OPCML: variants seen among roughly 807,000 people sequenced by gnomAD.
The protein encoded by OPCML is opioid binding protein/cell adhesion molecule like.
Under a neutral mutation model 37.8 loss-of-function variants are expected in OPCML, and 13 were observed. The ratio of observed to expected loss-of-function variants is 0.34; its 90% confidence interval spans 0.22 to 0.55. The LOEUF is 0.55. Ranked by LOEUF, OPCML falls within the 20% of genes least tolerant of loss-of-function variation. The pLI is 0.91. For synonymous variants in OPCML, 176 were observed against 168.8 expected (o/e 1.04, Z -0.33); for missense variants, 341 against 435.6 (o/e 0.78, Z 1.93).
intron 1 of OPCML, among the ~76,000 whole-genome samples, chr11:133,011,000 C>A (rs1947201971): frequency 6.6e-6 from 1 of 152,182 alleles, no homozygotes; most frequent in Non-Finnish European, 1.5e-5. Flanking sequence ...TGGTAGTACA[C>A]TATCTGGAAT....
intron 3 of OPCML, among the ~76,000 whole-genome samples, chr11:132,585,422 T>G (rs2096470565): frequency 6.6e-6 from 1 of 152,190 alleles, no homozygotes; most frequent in African/African-American, 2.4e-5. Flanking sequence ...AACTGGTCTC[T>G]TTTGGGATTT....
At chr11:133,516,131 C>T (rs568204862) in intron 1 of OPCML, among the ~76,000 whole-genome samples, 9 of 152,128 alleles carry the variant, frequency 5.9e-5, no homozygotes, top group Admixed American at 2.0e-4. Context: ...TTGGGGACTG[C>T]GACCCCCGCA....
chr11:133,155,281 T>A, intron 1 of OPCML, among the ~76,000 whole-genome samples: 1 of 152,200 alleles, frequency 6.6e-6, no homozygotes, highest in South Asian at 2.1e-4. Flanking sequence ...TTCTCTTTTC[T>A]CACCTCCCTG....
At chr11:132,981,977 A>C (rs1335052099) in intron 1 of OPCML, among the ~76,000 whole-genome samples, 2 of 152,210 alleles carry the variant, frequency 1.3e-5, no homozygotes, top group African/African-American at 4.8e-5. Context: ...TTGTGAAACT[A>C]AGATGCAGAA....
At chr11:132,918,864 C>A (rs1350259802) in intron 2 of OPCML, among the ~76,000 whole-genome samples, 1 of 152,134 alleles carries the variant, frequency 6.6e-6, no homozygotes, top group Non-Finnish European at 1.5e-5. Flanking sequence ...GATTAGGAAA[C>A]AATACAATGA....
intron 1 of OPCML, among the ~76,000 whole-genome samples, chr11:133,457,586 A>G (rs190720237): frequency 6.6e-6 from 1 of 151,700 alleles, no homozygotes; most frequent in African/African-American, 2.4e-5. Flanking sequence ...TTAATGTTAT[A>G]TTTGTCTTAA....
chr11:133,127,819 A>G (rs1679865636), intron 1 of OPCML, among the ~76,000 whole-genome samples: 1 of 152,132 alleles, frequency 6.6e-6, no homozygotes, highest in South Asian at 2.1e-4. Context: ...ATAAGGGACT[A>G]TGCAAGCATC....
intron 4 of OPCML, among the ~76,000 whole-genome samples, chr11:132,489,313 C>T (rs1049365832): frequency 2.6e-5 from 4 of 152,076 alleles, no homozygotes; most frequent in African/African-American, 7.2e-5. Context: ...GATAACAATG[C>T]CTTCTTTGGG....
intron 1 of OPCML, among the ~76,000 whole-genome samples, chr11:133,079,553 C>A (rs1474027690): frequency 6.6e-6 from 1 of 152,134 alleles, no homozygotes; most frequent in African/African-American, 2.4e-5. Flanking sequence ...GAGTACTCTA[C>A]ACTTGTTCTG....
At chr11:133,148,848 C>T (rs956987094) in intron 1 of OPCML, among the ~76,000 whole-genome samples, 1 of 152,128 alleles carries the variant, frequency 6.6e-6, no homozygotes, top group Non-Finnish European at 1.5e-5. Flanking sequence ...CCTTAGATGA[C>T]AGCTGAAAAA....
At chr11:133,297,514 AG>A (rs1364413834) in intron 1 of OPCML, 2 of 152,230 alleles carry the variant, frequency 1.3e-5, no homozygotes, top group Non-Finnish European at 2.9e-5. Context: ...TGCCAAGGAA[AG>A]GAGAAAAAAT....
intron 2 of OPCML, among the ~76,000 whole-genome samples, chr11:132,714,346 C>A (rs564736364): frequency 6.6e-6 from 1 of 152,150 alleles, no homozygotes; most frequent in African/African-American, 2.4e-5. Context: ...CCACATCAGT[C>A]TGAAAGGTGG....
At chr11:133,200,645 C>T (rs1351353310) in intron 1 of OPCML, among the ~76,000 whole-genome samples, 1 of 152,198 alleles carries the variant, frequency 6.6e-6, no homozygotes, top group Non-Finnish European at 1.5e-5. Flanking sequence ...ATTTTTAAAA[C>T]AAGTTACTAA....
intron 1 of OPCML, chr11:133,361,148 C>A (rs1416308466): frequency 6.6e-6 from 1 of 152,354 alleles, no homozygotes; most frequent in Non-Finnish European, 1.5e-5. Flanking sequence ...CGCTTGACCA[C>A]CAAGCCGGCG....
At chr11:133,439,018 C>A (rs576310075) in intron 1 of OPCML, among the ~76,000 whole-genome samples, 9 of 152,108 alleles carry the variant, frequency 5.9e-5, no homozygotes, top group Non-Finnish European at 8.8e-5. Flanking sequence ...GAGTTCTATT[C>A]TGTATAATCA....
In OPCML at chr11:132,689,216, A is replaced by G. The variant is rs141333870; in HGVS notation, c.147-31897T>C. ...TTCAATAATGTCATCTAAATTGTGA[A>G]GGGCAATTAGATTGTTACATTGGGA... On this transcript the variant is annotated intron_variant, in intron 2 of 7. Coordinates refer to ENST00000524381, the MANE Select transcript of OPCML (RefSeq NM_001012393.5). 3.8e-3 allele frequency among the ~76,000 whole-genome samples: 582 copies of G among 152,314 alleles called. 4 individuals are homozygous for G. The highest frequency in any genetic ancestry group is 8.3e-3 in the South Asian group (40 of 4,828).
intron 1 of OPCML, among the ~76,000 whole-genome samples, chr11:133,063,343 C>T (rs188585063): frequency 8.9e-4 from 135 of 152,274 alleles, no homozygotes; most frequent in African/African-American, 3.2e-3. Context: ...ACTAGACAGC[C>T]TCCCATGGGG....
chr11:133,102,130 A>T (rs1307045262), intron 1 of OPCML, among the ~76,000 whole-genome samples: 1 of 152,228 alleles, frequency 6.6e-6, no homozygotes, highest in Admixed American at 6.5e-5. Context: ...TGGTGGATAC[A>T]TGTCATTATA....
chr11:133,531,871 C>G (rs4570596), intron 1 of OPCML, among the ~76,000 whole-genome samples: 26,623 of 152,006 alleles, frequency 0.18, 3,198 homozygotes, highest in East Asian at 0.52. Flanking sequence ...GGTGCCCCTT[C>G]CACCCTGCAG....
Sources: allele counts gnomAD v4.1 joint callset (sites outside exome capture counted in the v4.1 genomes callset), GRCh38; gene constraint gnomAD v4.1.1; transcripts MANE v1.5; gene names NCBI Gene and HGNC (gene_info 2026-07-23, HGNC 2026-07-21).